MAGI2: variants seen among roughly 807,000 people sequenced by gnomAD.
The protein encoded by MAGI2 is membrane-associated guanylate kinase, WW and PDZ domain-containing protein 2.
Under a neutral mutation model 133.3 loss-of-function variants are expected in MAGI2, and 35 were observed. The ratio of observed to expected loss-of-function variants is 0.26; its 90% CI spans 0.20 to 0.35. MAGI2 has a LOEUF of 0.35. Ranked by LOEUF, MAGI2 falls within the 10% of genes least tolerant of loss-of-function variation. The pLI is 1.00. For synonymous variants in MAGI2, 729 were observed against 710.6 expected, an observed-to-expected ratio of 1.03 and a Z score of -0.41; for missense variants, 1,636 against 1,863.4, an observed-to-expected ratio of 0.88 and a Z score of 2.25.
At chr7:78,967,767 CTTATTTCTGGGCTCT>C (rs1317062007) in intron 2 of MAGI2, among the ~76,000 whole-genome samples, 1 of 151,950 alleles carries the variant, frequency 6.6e-6, no homozygotes, top group African/African-American at 2.4e-5. Context: ...ATACGCATGG[CTTATTTCTGGGCTCT>C]TTATGTTGCA....
intron 9 of MAGI2, among the ~76,000 whole-genome samples, chr7:78,298,615 T>G (rs1321587754): frequency 6.6e-6 from 1 of 152,142 alleles, no homozygotes; most frequent in Admixed American, 6.5e-5. Flanking sequence ...ACAACTCTTG[T>G]GCCTCAGCCT....
chr7:79,284,076 G>A (rs1205496823), intron 1 of MAGI2, among the ~76,000 whole-genome samples: 1 of 152,058 alleles, frequency 6.6e-6, no homozygotes, highest in African/African-American at 2.4e-5. Flanking sequence ...ATCTGGGTTT[G>A]TGTAAGTGCA....
intron 1 of MAGI2, among the ~76,000 whole-genome samples, chr7:79,176,020 C>G (rs934649763): frequency 3.3e-5 from 5 of 152,002 alleles, no homozygotes; most frequent in Admixed American, 6.6e-5. Context: ...AAGGAGCTAA[C>G]ACAGACCTGC....
intron 21 of MAGI2, among the ~76,000 whole-genome samples, chr7:78,056,011 A>T (rs1812528979): frequency 6.6e-6 from 1 of 152,186 alleles, no homozygotes; most frequent in Non-Finnish European, 1.5e-5. Context: ...CAGTAGTGTT[A>T]TGTGTAACAG....
At chr7:78,528,690 T>C (rs958958849) in intron 3 of MAGI2, among the ~76,000 whole-genome samples, 1 of 152,118 alleles carries the variant, frequency 6.6e-6, no homozygotes, top group Non-Finnish European at 1.5e-5. Flanking sequence ...TGTAAGCAGC[T>C]CTGATGCTTA....
intron 2 of MAGI2, among the ~76,000 whole-genome samples, chr7:78,961,104 A>C (rs143172939): frequency 1.3e-5 from 2 of 152,136 alleles, no homozygotes; most frequent in Non-Finnish European, 2.9e-5. Flanking sequence ...AATTCAAAAG[A>C]GAGTACTTTA....
At chr7:78,727,607 C>T (rs888126337) in intron 2 of MAGI2, among the ~76,000 whole-genome samples, 1 of 152,082 alleles carries the variant, frequency 6.6e-6, no homozygotes, top group African/African-American at 2.4e-5. Context: ...GTATATACAT[C>T]AAATATGGAA....
At chr7:79,155,128 G>T (rs17152025) in intron 1 of MAGI2, among the ~76,000 whole-genome samples, 12,652 of 152,192 alleles carry the variant, frequency 0.083, 1,216 homozygotes, top group African/African-American at 0.23. Context: ...CAGCTGGTTT[G>T]CAGGCAGGGG....
chr7:79,331,566 A>T (rs549130354), intron 1 of MAGI2, among the ~76,000 whole-genome samples: 1 of 152,304 alleles, frequency 6.6e-6, no homozygotes, highest in East Asian at 1.9e-4. Context: ...CAGACCAGAA[A>T]GACCAAAATG....
At chr7:78,282,871 A>G (rs764896393) in intron 9 of MAGI2, among the ~76,000 whole-genome samples, 9 of 152,060 alleles carry the variant, frequency 5.9e-5, no homozygotes, top group Non-Finnish European at 1.0e-4. Context: ...CATTAAACCA[A>G]AATGGATCCT....
intron 9 of MAGI2, among the ~76,000 whole-genome samples, chr7:78,311,202 A>T (rs1456275320): frequency 6.6e-6 from 1 of 152,192 alleles, no homozygotes; most frequent in Non-Finnish European, 1.5e-5. Flanking sequence ...ATAGAGAAAG[A>T]AAAACAGAAG....
intron 1 of MAGI2, among the ~76,000 whole-genome samples, chr7:79,067,540 T>G (rs2117123687): frequency 6.6e-6 from 1 of 152,328 alleles, no homozygotes; most frequent in South Asian, 2.1e-4. Flanking sequence ...TACAATCATG[T>G]CAACTGCAAA....
At chr7:78,896,108 A>T (rs1215730390) in intron 2 of MAGI2, among the ~76,000 whole-genome samples, 3 of 152,210 alleles carry the variant, frequency 2.0e-5, no homozygotes, top group Non-Finnish European at 2.9e-5. Flanking sequence ...TTACTTGTCA[A>T]CCTATATGAC....
intron 9 of MAGI2, among the ~76,000 whole-genome samples, chr7:78,297,664 T>A (rs1300941339): frequency 6.6e-6 from 1 of 151,786 alleles, no homozygotes; most frequent in Non-Finnish European, 1.5e-5. Context: ...AAATGATTAG[T>A]TCATGTCCTT....
intron 5 of MAGI2, among the ~76,000 whole-genome samples, chr7:78,497,871 T>C (rs1794269059): frequency 6.6e-6 from 1 of 152,120 alleles, no homozygotes; most frequent in African/African-American, 2.4e-5. Context: ...CAAAGTCTAA[T>C]TAAAGGGTGG....
intron 1 of MAGI2, among the ~76,000 whole-genome samples, chr7:79,191,402 C>CTT (rs71095386): frequency 0.015 from 342 of 22,302 alleles, 65 homozygotes; most frequent in East Asian, 0.023. Context: ...CTTTTTCTTT[C>CTT]TTTTTTTTTT....
At chr7:78,221,776 T>A (rs1405933384) in intron 10 of MAGI2, among the ~76,000 whole-genome samples, 1 of 151,678 alleles carries the variant, frequency 6.6e-6, no homozygotes, top group Non-Finnish European at 1.5e-5. Context: ...AAGGATCGTT[T>A]AAAGCCAAGA....
At chr7:78,389,999 A>C (rs1462979296) in intron 6 of MAGI2, among the ~76,000 whole-genome samples, 1 of 152,218 alleles carries the variant, frequency 6.6e-6, no homozygotes, top group Non-Finnish European at 1.5e-5. Flanking sequence ...TGCCTTTTAC[A>C]AAATCATGAA....
chr7:79,384,749 A>G (rs1844057602), intron 1 of MAGI2, among the ~76,000 whole-genome samples: 1 of 151,724 alleles, frequency 6.6e-6, no homozygotes, highest in African/African-American at 2.4e-5. Flanking sequence ...AATGTTTTCA[A>G]AGATTCAATG....
Sources: allele counts gnomAD v4.1 joint callset (sites outside exome capture counted in the v4.1 genomes callset), GRCh38; gene constraint gnomAD v4.1.1; transcripts MANE v1.5; gene names NCBI Gene and HGNC (gene_info 2026-07-23, HGNC 2026-07-21).